Variants in DAB2 observed in about 807,000 individuals in gnomAD.
DAB2 encodes DAB adaptor protein 2.
In DAB2, 28 loss-of-function variants were observed where a neutral mutation model predicts 71.6. That is an observed-to-expected ratio of 0.39 (90% CI 0.29 to 0.54). The LOEUF (loss-of-function observed/expected upper bound fraction) is 0.54. DAB2 is among the 20% of genes least tolerant of loss of function. The probability of loss-of-function intolerance (pLI) is 0.68; values close to 1 mark genes in which losing one functional copy is unlikely to be tolerated. For missense variants in DAB2, 867 were observed against 928.8 expected (o/e 0.93, Z 0.86); for synonymous variants, 345 against 339.7 (o/e 1.02, Z -0.17).
At chr5:39,382,188 G>A (rs1754996316) in intron 10 of DAB2, among the ~76,000 whole-genome samples, 1 of 152,104 alleles carries the variant, frequency 6.6e-6, no homozygotes, top group Non-Finnish European at 1.5e-5. Flanking sequence ...GAGGAGATAA[G>A]CTCGAGAATT....
chr5:39,387,762 C>T (rs1246394955), intron 9 of DAB2: 1 of 150,422 alleles, frequency 6.6e-6, no homozygotes, highest in Non-Finnish European at 1.5e-5. Flanking sequence ...TCTGTTCTTA[C>T]AGGGTTGTTA....
At chr5:39,402,346 A>ACACTTT (rs1467278962) in intron 1 of DAB2, among the ~76,000 whole-genome samples, 4 of 152,200 alleles carry the variant, frequency 2.6e-5, no homozygotes, top group Admixed American at 2.6e-4. Flanking sequence ...AAGTGTTTAA[A>ACACTTT]CACTTTTAGA....
At chr5:39,407,212 A>G (rs1408602880) in intron 1 of DAB2, among the ~76,000 whole-genome samples, 2 of 152,080 alleles carry the variant, frequency 1.3e-5, no homozygotes, top group Non-Finnish European at 2.9e-5. Flanking sequence ...TTTCCATGCT[A>G]GGTTTTTTGT....
chr5:39,421,902 C>CAA (rs11303318), intron 1 of DAB2, among the ~76,000 whole-genome samples: 1 of 140,146 alleles, frequency 7.1e-6, no homozygotes. Flanking sequence ...ACTACTACTA[C>CAA]AAAAAAAAAA....
In DAB2 at chr5:39,390,573, T is replaced by C; in HGVS notation, c.333A>G (p.Val111=). Residue 111 remains valine (V), a splice_region_variant and synonymous_variant, in exon 5 of 15, where the codon GTA becomes GTG. Coordinates refer to ENST00000320816, the MANE Select transcript of DAB2 (RefSeq NM_001343.4). Reference sequence around the variant, plus strand: ...TATTTACTGGATGTTCATGCTCTATTACCTTAAAAAAGAACATAAAGAGTA... The same window carrying C: ...TATTTACTGGATGTTCATGCTCTATCACCTTAAAAAAGAACATAAAGAGTA... ...GIKIIDEKTG[V]IEHEHPVNKI... is the part of the protein sequence containing the mutation. The C allele has an allele frequency of 6.2e-7, 1 of 1,608,416 alleles. No homozygotes were observed. Among genetic ancestry groups the C allele is most frequent in the Non-Finnish European group, 8.5e-7 (1 of 1,176,626 alleles).
rs1205607643 is a variant in DAB2 at position 39,376,847 on chromosome 5, T to A, written c.1940A>T (p.Glu647Val). The change falls in exon 12 of 15, where the codon GAG becomes GTG. Residue 647 changes from glutamate (E) to valine (V), a missense_variant. Glu to Val is a moderately radical substitution (Grantham distance 121, BLOSUM62 -2). This residue lies in a region of DAB2 where 740 missense variants were observed against 734.3 expected (regional missense o/e 1.01). Coordinates refer to ENST00000320816, the MANE Select transcript of DAB2 (RefSeq NM_001343.4). ...FTALDPLGDK[E>V]IKDVKEMFKD... Reference sequence around the variant, plus strand: ...AAACATTTCTTTCACATCCTTGATCTCTTTATCCCCAAGTGGGTCTAAGGC... The same window carrying A: ...AAACATTTCTTTCACATCCTTGATCACTTTATCCCCAAGTGGGTCTAAGGC... The A allele has an allele frequency of 1.2e-6, 2 of 1,614,166 alleles. No homozygotes were observed. The highest frequency in any genetic ancestry group is 2.2e-5 in the South Asian group (2 of 91,084).
chr5:39,383,506 A>C (rs1240585628), intron 9 of DAB2, among the ~76,000 whole-genome samples: 1 of 152,148 alleles, frequency 6.6e-6, no homozygotes, highest in Admixed American at 6.5e-5. Flanking sequence ...TCTCAACCTC[A>C]TTAGGTGAAA....
chr5:39,407,227 T>C (rs1266320172), intron 1 of DAB2, among the ~76,000 whole-genome samples: 2 of 152,196 alleles, frequency 1.3e-5, no homozygotes, highest in African/African-American at 2.4e-5. Flanking sequence ...TTTTGTTTGT[T>C]TGTTCTGTTT....
At chr5:39,396,707 G>C (rs1293309637) in intron 1 of DAB2, among the ~76,000 whole-genome samples, 4 of 152,242 alleles carry the variant, frequency 2.6e-5, no homozygotes, top group African/African-American at 9.6e-5. Context: ...CCCAAAGACA[G>C]TAACCGTTTT....
At chr5:39,397,668 T>C (rs1366416027) in intron 1 of DAB2, among the ~76,000 whole-genome samples, 1 of 152,178 alleles carries the variant, frequency 6.6e-6, no homozygotes, top group Non-Finnish European at 1.5e-5. Context: ...ACTGACACAA[T>C]GGTAAGGCTA....
chr5:39,382,002 C>G (rs1426255263), intron 10 of DAB2, among the ~76,000 whole-genome samples: 3 of 152,138 alleles, frequency 2.0e-5, no homozygotes, highest in African/African-American at 7.2e-5. Context: ...TTAAGTCAGT[C>G]TACATAGAGA....
At position 39,383,283 on chromosome 5, in the gene DAB2, G is replaced by GA; in HGVS notation, c.688-13_688-12insT. 1.3e-6 allele frequency: 2 copies of GA among 1,567,010 alleles called. No homozygotes were observed. The highest frequency in any genetic ancestry group is 3.9e-5 in the Admixed American group (2 of 51,686). ...ATATCTTTGCTTTCCTATCACATTT[G>GA]GAAAGAAAAAAAAAGAAAGTGTTAG... On this transcript the variant is annotated splice_polypyrimidine_tract_variant and intron_variant, in intron 9 of 14. Transcript: ENST00000320816.
Position 39,381,622 on chromosome 5 carries a change from A to C in DAB2, c.1342-6T>G, listed in dbSNP as rs1754983174. 1 of 1,613,876 alleles carries C rather than the reference A, an allele frequency of 6.2e-7. No homozygotes were observed. Among genetic ancestry groups the C allele is most frequent in the South Asian group, 1.1e-5 (1 of 91,062 alleles). The stretch of plus-strand genomic sequence containing the variant: ...AGCAAGTCATTGGCTGAAGACTGAC[A>C]GGACAGGGAGGGAGGGAGAAGCCTT... On this transcript the variant is annotated splice_region_variant and splice_polypyrimidine_tract_variant and intron_variant, in intron 10 of 14. Coordinates refer to ENST00000320816, the MANE Select transcript of DAB2 (RefSeq NM_001343.4).
chr5:39,380,608 A>G (rs555962255), intron 11 of DAB2, among the ~76,000 whole-genome samples: 10 of 152,300 alleles, frequency 6.6e-5, no homozygotes, highest in African/African-American at 2.2e-4. Context: ...TGTACCATGG[A>G]GTCTGAAAAG....
At position 39,377,201 on chromosome 5, in the gene DAB2, G is replaced by A; in HGVS notation, c.1586C>T (p.Pro529Leu). The A allele has an allele frequency of 1.9e-6, 3 of 1,614,128 alleles. No homozygotes were observed. The highest frequency in any genetic ancestry group is 2.5e-6 in the Non-Finnish European group (3 of 1,179,994). ...LVFNQSPSMA[P>L]GAMMGGQPSG... ...AGGTTGACCACCCATCATGGCTCCC[G>A]GAGCCATTGAAGGGGACTGATTGAA... Residue 529 changes from proline to leucine, a missense_variant, in exon 12 of 15, where the codon CCG (proline) becomes CTG (leucine). By Grantham distance (98) the Pro-to-Leu change is moderately conservative. Transcript: ENST00000320816.
chr5:39,420,574 G>C (rs1438258755), intron 1 of DAB2, among the ~76,000 whole-genome samples: 3 of 152,184 alleles, frequency 2.0e-5, no homozygotes, highest in African/African-American at 7.2e-5. Flanking sequence ...CCCCTAGCTA[G>C]CTAGTACAAA....
In DAB2 at chr5:39,377,082, C is replaced by T; in HGVS notation, c.1705G>A (p.Val569Met). 6.2e-7 allele frequency: 1 copy of T among 1,614,150 alleles called. No individual in the cohort carries two copies. The highest frequency in any genetic ancestry group is 8.5e-7 in the Non-Finnish European group (1 of 1,180,016). ...GCAGAAGGGCCCCAGACAACAGGCA[C>T]TGGAGGGGGAGTTGAGGCTGCAAAG... ...SPFAASTPPP[V>M]PVVWGPSASV... The change falls in exon 12 of 15, where the codon GTG becomes ATG. Residue 569 changes from valine (V) to methionine (M), a missense_variant. Coordinates refer to ENST00000320816, the MANE Select transcript of DAB2 (RefSeq NM_001343.4).
At chr5:39,393,534 T>C in intron 2 of DAB2, 141 bp from the exon 3 acceptor site, 1 of 882,018 alleles carries the variant, frequency 1.1e-6, no homozygotes, top group Non-Finnish European at 1.7e-6. Flanking sequence ...TCCTGTCTTA[T>C]TCTTACTTCC....
At chr5:39,407,385 A>G (rs1404317318) in intron 1 of DAB2, among the ~76,000 whole-genome samples, 1 of 152,020 alleles carries the variant, frequency 6.6e-6, no homozygotes, top group Admixed American at 6.5e-5. Context: ...CTGCCTGGCT[A>G]ATTTTTGTAT....
Sources: gnomAD v4.1 joint callset for allele counts (sites outside exome capture counted in the v4.1 genomes callset) on GRCh38, gnomAD v4.1.1 for gene constraint, gnomAD v4.1.1 regional missense constraint, MANE v1.5 for transcripts, NCBI Gene and HGNC (gene_info 2026-07-23, HGNC 2026-07-21) for gene names.